The following GRIN2A variants were observed in gnomAD, a reference collection of about 807,000 sequenced individuals.
The protein encoded by GRIN2A is glutamate receptor ionotropic, NMDA 2A.
Under a neutral mutation model 113.4 loss-of-function variants are expected in GRIN2A, and 22 were observed. The observed-to-expected ratio is 0.19, with a 90% CI of 0.14 to 0.28. The LOEUF (loss-of-function observed/expected upper bound fraction) is 0.28. Ranked by LOEUF, GRIN2A falls within the 10% of genes least tolerant of loss-of-function variation. The pLI is 1.00. For synonymous variants in GRIN2A, 827 were observed against 738.4 expected (o/e 1.12, Z -1.94); for missense variants, 1,502 against 1,887.0 (o/e 0.80, Z 3.78).
intron 2 of GRIN2A, among the ~76,000 whole-genome samples, chr16:10,113,208 C>T (rs1449799422): frequency 6.6e-6 from 1 of 152,090 alleles, no homozygotes; most frequent in Non-Finnish European, 1.5e-5. Context: ...GGAGGCCCCA[C>T]CTGGCTTCTC....
chr16:9,804,900 C>T (rs1037905982), intron 10 of GRIN2A, among the ~76,000 whole-genome samples: 2 of 152,178 alleles, frequency 1.3e-5, no homozygotes, highest in Non-Finnish European at 2.9e-5. Context: ...GAAATAAGAC[C>T]TCCTCTCTGT....
At chr16:10,129,531 G>C (rs549585846) in intron 2 of GRIN2A, among the ~76,000 whole-genome samples, 31 of 152,270 alleles carry the variant, frequency 2.0e-4, no homozygotes, top group African/African-American at 7.5e-4. Flanking sequence ...GACGAAACTT[G>C]AATGGTGAGA....
chr16:9,778,938 G>A (rs1159286798), intron 11 of GRIN2A, among the ~76,000 whole-genome samples: 1 of 152,178 alleles, frequency 6.6e-6, no homozygotes, highest in Non-Finnish European at 1.5e-5. Flanking sequence ...CCACCATATA[G>A]AAAATAAGCT....
At chr16:9,860,042 T>C (rs755980128) in intron 4 of GRIN2A, among the ~76,000 whole-genome samples, 1 of 151,258 alleles carries the variant, frequency 6.6e-6, no homozygotes, top group Non-Finnish European at 1.5e-5. Context: ...CAAAGCTTAA[T>C]AGCAATGAAG....
chr16:10,144,048 G>A (rs1269219111), intron 2 of GRIN2A, among the ~76,000 whole-genome samples: 1 of 152,072 alleles, frequency 6.6e-6, no homozygotes, highest in East Asian at 1.9e-4. Context: ...GTGAACATGA[G>A]GGTACAGATA....
intron 10 of GRIN2A, among the ~76,000 whole-genome samples, chr16:9,812,655 G>C (rs1365782406): frequency 6.6e-6 from 1 of 151,146 alleles, no homozygotes; most frequent in Non-Finnish European, 1.5e-5. Flanking sequence ...AAACAAAAAA[G>C]AAAGAAAAAA....
chr16:9,894,946 A>AATCC (rs1329884673), intron 3 of GRIN2A, among the ~76,000 whole-genome samples: 1 of 152,148 alleles, frequency 6.6e-6, no homozygotes. Context: ...TCAATCCATT[A>AATCC]ATCCATCCAT....
intron 2 of GRIN2A, among the ~76,000 whole-genome samples, chr16:10,128,065 G>T (rs191840705): frequency 1.2e-4 from 19 of 152,264 alleles, no homozygotes; most frequent in African/African-American, 4.3e-4. Flanking sequence ...GCACGCCAAG[G>T]CTCAGTGAGC....
chr16:10,124,555 C>A (rs1287981215), intron 2 of GRIN2A, among the ~76,000 whole-genome samples: 1 of 152,178 alleles, frequency 6.6e-6, no homozygotes, highest in African/African-American at 2.4e-5. Context: ...GCCTCAGATA[C>A]AGACAGGGGC....
At chr16:9,860,341 G>A (rs747519331) in intron 4 of GRIN2A, among the ~76,000 whole-genome samples, 17 of 150,436 alleles carry the variant, frequency 1.1e-4, no homozygotes, top group Non-Finnish European at 2.1e-4. Context: ...CCAGCTACTC[G>A]GGAAGTTGAG....
intron 2 of GRIN2A, among the ~76,000 whole-genome samples, chr16:9,952,162 C>G (rs950156513): frequency 2.6e-5 from 4 of 151,356 alleles, no homozygotes; most frequent in Non-Finnish European, 5.9e-5. Flanking sequence ...AGTCATGGAG[C>G]CACAGAGCTC....
chr16:10,179,178 C>A (rs534433265), intron 2 of GRIN2A, among the ~76,000 whole-genome samples: 1 of 152,278 alleles, frequency 6.6e-6, no homozygotes, highest in African/African-American at 2.4e-5. Context: ...TCATTCAGAG[C>A]CAACTGATTT....
chr16:9,995,724 C>G (rs142225070), intron 2 of GRIN2A, among the ~76,000 whole-genome samples: 14 of 152,184 alleles, frequency 9.2e-5, no homozygotes, highest in African/African-American at 3.4e-4. Context: ...TTTCCAAAGC[C>G]CTCATCCCCT....
Position 9,763,194 on chromosome 16 carries a change from A to G in GRIN2A, c.4350T>C (p.Asn1450=), listed in dbSNP as rs761187900. ...STPRVLNSCS[N]RRVYKKMPSI... is the part of the protein sequence containing the mutation. Reference sequence around the variant, plus strand: ...TAGGCATTTTCTTGTACACGCGTCTATTGCTGCAGGAATTTAAAACCCTGG... The same window carrying G: ...TAGGCATTTTCTTGTACACGCGTCTGTTGCTGCAGGAATTTAAAACCCTGG... Residue 1450 remains asparagine (N), a synonymous_variant, in exon 13 of 13, where the codon AAT becomes AAC. Transcript: ENST00000330684. 9.9e-6 allele frequency: 16 copies of G among 1,613,884 alleles called. No individual in the cohort carries two copies. Among genetic ancestry groups the G allele is most frequent in the South Asian group, 2.2e-5 (2 of 91,084 alleles).
chr16:9,965,382 G>GC (rs2045534809), intron 2 of GRIN2A, among the ~76,000 whole-genome samples: 1 of 152,104 alleles, frequency 6.6e-6, no homozygotes, highest in South Asian at 2.1e-4. Flanking sequence ...GAACAAAAAT[G>GC]CCCCCCAAAG....
At chr16:9,802,592 A>T (rs988015227) in intron 10 of GRIN2A, among the ~76,000 whole-genome samples, 4 of 151,766 alleles carry the variant, frequency 2.6e-5, no homozygotes, top group African/African-American at 9.7e-5. Flanking sequence ...CAGTAGCAAG[A>T]TATTATTATT....
At chr16:9,860,574 T>C (rs2043050452) in intron 4 of GRIN2A, among the ~76,000 whole-genome samples, 1 of 152,044 alleles carries the variant, frequency 6.6e-6, no homozygotes, top group South Asian at 2.1e-4. Context: ...ACTGAAGACC[T>C]TACTGAAATC....
chr16:9,755,377 C>T lies in GRIN2A; in HGVS notation c.*7772G>A, dbSNP rs1177210231. 2 of 186,464 alleles carry T rather than the reference C, an allele frequency of 1.1e-5. No homozygotes were observed. The highest frequency in any genetic ancestry group is 4.7e-5 in the African/African-American group (2 of 42,656). 11.6% of individuals were successfully genotyped at this position (186,464 alleles called of 1,614,324 possible). On this transcript the variant is annotated 3_prime_UTR_variant, in exon 13 of 13. Transcript: ENST00000330684. The stretch of plus-strand genomic sequence containing the variant: ...ATTCCAAGGAGAACATGGTCACGCA[C>T]TTGTAGACCCAACAACAGGATCTCC...
At chr16:9,782,435 AAT>A (rs1901991725) in intron 11 of GRIN2A, among the ~76,000 whole-genome samples, 1 of 152,184 alleles carries the variant, frequency 6.6e-6, no homozygotes, top group Non-Finnish European at 1.5e-5. Context: ...CTGTATATAT[AAT>A]ATATTGCCTT....
Sources: allele counts gnomAD v4.1 joint callset (sites outside exome capture counted in the v4.1 genomes callset), GRCh38; gene constraint gnomAD v4.1.1; transcripts MANE v1.5; gene names NCBI Gene and HGNC (gene_info 2026-07-23, HGNC 2026-07-21).